Variants in SATB1 observed in about 807,000 individuals in gnomAD.
SATB1 encodes the protein DNA-binding protein SATB1.
A neutral mutation model predicts 86.9 loss-of-function variants in SATB1; 11 were observed. That is an observed-to-expected ratio of 0.13 (90% CI 0.08 to 0.21). The LOEUF is 0.21. Among genes scored for constraint, SATB1 ranks in the 10% least tolerant of loss-of-function variants. SATB1 has a pLI of 1.00. For synonymous variants in SATB1, 357 were observed against 357.2 expected, an observed-to-expected ratio of 1.00 and a Z score of 0.01; for missense variants, 551 against 937.6, an observed-to-expected ratio of 0.59 and a Z score of 5.39.
Position 18,351,324 on chromosome 3 carries a change from C to G in SATB1, c.1779+668G>C. ...CTGTGCCCGCTCACCTGAGGAGCAG[C>G]ACCGAGCCATGGTGCAGGGGTCGGC... On this transcript the variant is annotated intron_variant, in intron 10 of 10. Transcript: ENST00000338745. The G allele has an allele frequency of 1.9e-6, 3 of 1,546,566 alleles. No homozygotes were observed. The South Asian group carries it at 3.5e-5, about 18-fold the overall frequency.
intron 10 of SATB1, chr3:18,351,425 CAG>C (rs774631687): frequency 2.6e-6 from 4 of 1,520,892 alleles, no homozygotes; most frequent in South Asian, 1.2e-5. Flanking sequence ...GAAAGACAAA[CAG>C]AGATGACTCA....
intron 9 of SATB1, among the ~76,000 whole-genome samples, chr3:18,356,514 T>C (rs1034941601): frequency 6.6e-6 from 1 of 150,726 alleles, no homozygotes; most frequent in African/African-American, 2.4e-5. Flanking sequence ...ACAATGGCAA[T>C]TTATTATGGT....
Position 18,349,808 on chromosome 3 carries a change from G to A in SATB1, c.1780-126C>T. On this transcript the variant is annotated intron_variant, in intron 10 of 10. Transcript: ENST00000338745. This position sits in a 1 kb window ranked among gnomAD's most constrained non-coding sequence, Gnocchi z 5.5. ...CTTCTTTGATAGGGATGAAGATTTA[G>A]AAAGAAAAGGTAGGCCGGCGAAATG... 7.0e-7 allele frequency: 1 copy of A among 1,427,410 alleles called. No homozygotes were observed. The highest frequency in any genetic ancestry group is 1.5e-5 in the South Asian group (1 of 66,410). The allele number at this position is 1,427,410 out of a possible 1,614,324, so 88.4% of individuals were successfully genotyped here. A position where few individuals can be genotyped will look rare whatever the true frequency, so the allele number is the denominator to read the frequency against.
At chr3:18,359,918 A>T (rs192455499) in intron 9 of SATB1, among the ~76,000 whole-genome samples, 1 of 151,942 alleles carries the variant, frequency 6.6e-6, no homozygotes, top group Non-Finnish European at 1.5e-5. Context: ...TTCTACCACT[A>T]TTGACTTGTC....
chr3:18,425,544 T>C (rs1259274128), upstream of SATB1, among the ~76,000 whole-genome samples: 1 of 143,664 alleles, frequency 7.0e-6, no homozygotes, highest in Non-Finnish European at 1.5e-5. Flanking sequence ...AAGTAACTAG[T>C]GAATGAGTGA....
chr3:18,434,203 C>A (rs1296365444), intron 2 of SATB1, among the ~76,000 whole-genome samples: 1 of 152,014 alleles, frequency 6.6e-6, no homozygotes, highest in Non-Finnish European at 1.5e-5. Context: ...TCAAAAATAA[C>A]TTTTTATTTC....
intron 3 of SATB1, 53 bp downstream of exon 3, chr3:18,416,849 G>T: frequency 6.8e-7 from 1 of 1,473,070 alleles, no homozygotes; most frequent in South Asian, 1.3e-5. Context: ...TTCTCTGCAA[G>T]GTAAACAAAG....
chr3:18,417,599 G>C, intron 2 of SATB1: 1 of 671,568 alleles, frequency 1.5e-6, no homozygotes, highest in Admixed American at 2.4e-5. Flanking sequence ...AACTCTAACT[G>C]GTTCCACAAA....
intron 5 of SATB1, among the ~76,000 whole-genome samples, chr3:18,411,397 C>T (rs1274912622): frequency 2.6e-5 from 4 of 152,004 alleles, no homozygotes; most frequent in African/African-American, 2.4e-5. Flanking sequence ...GAAGACATTA[C>T]GCTGGTAGAA....
chr3:18,395,064 C>G, intron 6 of SATB1, 148 bp from the exon 7 acceptor site: 1 of 616,886 alleles, frequency 1.6e-6, no homozygotes, highest in Non-Finnish European at 2.8e-6. Context: ...TGCAACTTAC[C>G]AGGCTGTGTT....
At chr3:18,379,023 CAAT>C (rs1695908645) in intron 8 of SATB1, among the ~76,000 whole-genome samples, 1 of 152,128 alleles carries the variant, frequency 6.6e-6, no homozygotes, top group Non-Finnish European at 1.5e-5. Flanking sequence ...TGAAACCACA[CAAT>C]AAGATAATGT....
At chr3:18,409,371 T>C (rs540763405) in intron 5 of SATB1, 1 of 152,146 alleles carries the variant, frequency 6.6e-6, no homozygotes, top group African/African-American at 2.4e-5. Flanking sequence ...AACTTGCAAT[T>C]TGGAGGACAA....
intron 2 of SATB1, among the ~76,000 whole-genome samples, chr3:18,434,171 CTTCT>C (rs1212034502): frequency 6.6e-6 from 1 of 152,076 alleles, no homozygotes; most frequent in Non-Finnish European, 1.5e-5. Flanking sequence ...CCTCTCATCT[CTTCT>C]TTGAGGTAAC....
chr3:18,380,227 C>T (rs12106735), intron 8 of SATB1, among the ~76,000 whole-genome samples: 34,594 of 152,006 alleles, frequency 0.23, 4,344 homozygotes, highest in Non-Finnish European at 0.26. Flanking sequence ...AATGGGGGCA[C>T]CAAGTCCAGT....
At chr3:18,419,266 G>C (rs1317372078) in intron 2 of SATB1, among the ~76,000 whole-genome samples, 17 of 147,506 alleles carry the variant, frequency 1.2e-4, no homozygotes, top group South Asian at 4.2e-4. Flanking sequence ...TGAACTGTAT[G>C]ATTATTCGTG....
At chr3:18,359,129 G>T (rs4129096) in intron 9 of SATB1, among the ~76,000 whole-genome samples, 39,323 of 151,820 alleles carry the variant, frequency 0.26, 5,959 homozygotes, top group Admixed American at 0.45. Flanking sequence ...CAGATAAAAA[G>T]GTGCAAATCA....
chr3:18,403,525 C>T (rs987379575), intron 5 of SATB1, among the ~76,000 whole-genome samples: 1 of 152,050 alleles, frequency 6.6e-6, no homozygotes, highest in Non-Finnish European at 1.5e-5. Context: ...CATGGTTCTA[C>T]CTGTTTATAA....
chr3:18,350,789 A>AT (rs1258611326), intron 10 of SATB1: 1 of 155,254 alleles, frequency 6.4e-6, no homozygotes, highest in African/African-American at 2.4e-5. Context: ...ACACTTGAGA[A>AT]TTTTTTTATC....
chr3:18,386,370 G>A lies in SATB1; in HGVS notation c.1419+29C>T. ...AAGCATTAAAAAAAAGCTAAACAAA[G>A]AAGGGCAAGGAGGAAAAGGAGACCG... On this transcript the variant is annotated intron_variant, in intron 8 of 10. Transcript: ENST00000338745. This position sits in a 1 kb window ranked among gnomAD's most constrained non-coding sequence, Gnocchi z 4.5. 1 of 1,553,490 alleles carries A rather than the reference G, an allele frequency of 6.4e-7. No homozygotes were observed. Among genetic ancestry groups the A allele is most frequent in the Non-Finnish European group, 8.8e-7 (1 of 1,133,942 alleles).
Sources: gnomAD v4.1 joint callset for allele counts (sites outside exome capture counted in the v4.1 genomes callset) on GRCh38, gnomAD v4.1.1 for gene constraint, Gnocchi (gnomAD v3.1) non-coding constraint, MANE v1.5 for transcripts, NCBI Gene and HGNC (gene_info 2026-07-23, HGNC 2026-07-21) for gene names.